PCLO: variants seen among roughly 807,000 people sequenced by gnomAD.
PCLO encodes the protein protein piccolo.
PCLO carries 82 observed loss-of-function variants against 427.5 expected under a neutral mutation model. The observed-to-expected ratio is 0.19, with a 90% CI of 0.16 to 0.23. The LOEUF is 0.23. PCLO is among the 10% of genes least tolerant of loss of function. The pLI, the probability that PCLO is intolerant of heterozygous loss-of-function variation, is 1.00. For synonymous variants in PCLO, 2,357 were observed against 2,155.4 expected, an observed-to-expected ratio of 1.09 and a Z score of -2.59; for missense variants, 6,239 against 6,115.9, an observed-to-expected ratio of 1.02 and a Z score of -0.67.
chr7:82,760,239 T>C (rs1790402290), intron 24 of PCLO, among the ~76,000 whole-genome samples: 1 of 152,004 alleles, frequency 6.6e-6, no homozygotes, highest in Non-Finnish European at 1.5e-5. Context: ...AGAGCTTTAA[T>C]GTAAACTAAC....
Position 82,754,111 on chromosome 7 carries a change from C to G in PCLO, c.*4464G>C, listed in dbSNP as rs1790269834. 6.6e-6 allele frequency: 1 copy of G among 151,964 alleles called. No individual in the cohort carries two copies. 9.4% of individuals were successfully genotyped at this position (151,964 alleles called of 1,614,324 possible). On this transcript the variant is annotated 3_prime_UTR_variant, in exon 25 of 25. Coordinates refer to ENST00000333891, the MANE Select transcript of PCLO (RefSeq NM_033026.6). ...TACATCTTGTATACAATCACAAAAC[C>G]AAGACATATTTTTACATAGAGTAAA... is the stretch of plus-strand genomic sequence containing the variant.
At chr7:82,899,454 T>C (rs925096020) in intron 9 of PCLO, among the ~76,000 whole-genome samples, 3 of 151,502 alleles carry the variant, frequency 2.0e-5, no homozygotes, top group Non-Finnish European at 3.0e-5. Context: ...AAGTAGAATA[T>C]AAAATGCAGA....
rs267601589 is a variant in PCLO, at chr7:82,951,239, C to T, written c.9349G>A (p.Asp3117Asn). 6.2e-7 allele frequency: 1 copy of T among 1,613,458 alleles called. No homozygotes were observed. Among genetic ancestry groups the T allele is most frequent in the Non-Finnish European group, 8.5e-7 (1 of 1,179,746 alleles). ...TCAGCCGTATGAATACCAGACAAAT[C>T]CCTCACTGTGGTGCTGAAAATGGAG... ...PGSIFSTTVR[D>N]LSGIHTADAV... Residue 3117 changes from aspartate to asparagine, a missense_variant, in exon 6 of 25, where the codon GAT becomes AAT. Coordinates refer to ENST00000333891, the MANE Select transcript of PCLO (RefSeq NM_033026.6).
intron 22 of PCLO, among the ~76,000 whole-genome samples, chr7:82,796,289 AT>A (rs894995201): frequency 7.2e-5 from 11 of 152,186 alleles, no homozygotes; most frequent in African/African-American, 2.7e-4. Flanking sequence ...GTGACACTGG[AT>A]TTTAGATTCA....
At chr7:83,069,261 C>T (rs1789745200) in intron 3 of PCLO, among the ~76,000 whole-genome samples, 1 of 152,076 alleles carries the variant, frequency 6.6e-6, no homozygotes, top group South Asian at 2.1e-4. Context: ...ACAGTTGGGC[C>T]TGCAGAACTG....
intron 10 of PCLO, among the ~76,000 whole-genome samples, chr7:82,864,950 A>AT (rs926222964): frequency 1.3e-5 from 2 of 152,124 alleles, no homozygotes; most frequent in African/African-American, 4.8e-5. Context: ...ACTTAAATTC[A>AT]TTTTTTCCAC....
At chr7:82,908,737 TC>T (rs1489433064) in intron 8 of PCLO, 139 bp downstream of exon 8, 1 of 710,470 alleles carries the variant, frequency 1.4e-6, no homozygotes, top group Non-Finnish European at 2.3e-6. Context: ...GCTGTGTTAC[TC>T]CTTTATGTTA....
rs1413753163 is a variant in PCLO at position 82,989,898 on chromosome 7, G to T, written c.3301-23411C>A. Among the ~76,000 whole-genome samples, 3 of 152,210 alleles carry T rather than the reference G, an allele frequency of 2.0e-5. No homozygotes were observed. In the East Asian group the frequency reaches 5.8e-4, roughly 29 times the overall value. Reference sequence around the variant, plus strand: ...TTTCCCCAAACCTCAAACCATTAAGGAGATTATGTTTTGATTGCCTGCAGC... The same window carrying T: ...TTTCCCCAAACCTCAAACCATTAAGTAGATTATGTTTTGATTGCCTGCAGC... On this transcript the variant is annotated intron_variant, in intron 3 of 24. Coordinates refer to ENST00000333891, the MANE Select transcript of PCLO (RefSeq NM_033026.6).
At chr7:82,839,329 C>T (rs966953067) in intron 14 of PCLO, among the ~76,000 whole-genome samples, 4 of 151,950 alleles carry the variant, frequency 2.6e-5, no homozygotes, top group South Asian at 4.1e-4. Flanking sequence ...TGAAATAAAT[C>T]CTCATTTTAG....
At chr7:82,937,948 T>C (rs1333254905) in intron 6 of PCLO, among the ~76,000 whole-genome samples, 1 of 151,862 alleles carries the variant, frequency 6.6e-6, no homozygotes, top group Non-Finnish European at 1.5e-5. Flanking sequence ...TCTGAGAACT[T>C]TCCTAATGGG....
chr7:82,793,523 T>G (rs972663041), intron 22 of PCLO, among the ~76,000 whole-genome samples: 7 of 152,292 alleles, frequency 4.6e-5, no homozygotes, highest in Non-Finnish European at 8.8e-5. Flanking sequence ...TTCAGGGCCC[T>G]GGAAGTATTG....
intron 3 of PCLO, among the ~76,000 whole-genome samples, chr7:83,010,602 T>C (rs1013775376): frequency 3.3e-5 from 5 of 150,490 alleles, no homozygotes; most frequent in African/African-American, 1.2e-4. Context: ...TTTAATATAA[T>C]ATATATTTCA....
At chr7:82,910,473 C>T (rs1403633466) in intron 7 of PCLO, among the ~76,000 whole-genome samples, 1 of 152,098 alleles carries the variant, frequency 6.6e-6, no homozygotes, top group Non-Finnish European at 1.5e-5. Context: ...AATACATTAA[C>T]ACATATCTGT....
At chr7:83,021,062 A>G (rs1788330723) in intron 3 of PCLO, among the ~76,000 whole-genome samples, 1 of 152,194 alleles carries the variant, frequency 6.6e-6, no homozygotes, top group Non-Finnish European at 1.5e-5. Context: ...GAAGAAACCC[A>G]GAAGAGACTG....
chr7:83,019,072 T>C (rs1034275287), intron 3 of PCLO, among the ~76,000 whole-genome samples: 8 of 152,176 alleles, frequency 5.3e-5, no homozygotes, highest in Non-Finnish European at 1.2e-4. Context: ...TAATTTATTA[T>C]ATTTTCCATA....
chr7:83,161,870 G>A (rs191052598), intron 1 of PCLO, among the ~76,000 whole-genome samples: 5 of 152,300 alleles, frequency 3.3e-5, no homozygotes, highest in African/African-American at 9.6e-5. Context: ...GGTGGCAAGA[G>A]AGGACAAATC....
At chr7:82,991,905 T>C (rs1796385211) in intron 3 of PCLO, among the ~76,000 whole-genome samples, 1 of 152,132 alleles carries the variant, frequency 6.6e-6, no homozygotes, top group African/African-American at 2.4e-5. Flanking sequence ...AACTATTTTA[T>C]GGCATTATCC....
intron 12 of PCLO, among the ~76,000 whole-genome samples, chr7:82,846,256 C>T (rs1792499030): frequency 6.6e-6 from 1 of 152,106 alleles, no homozygotes; most frequent in African/African-American, 2.4e-5. Context: ...TGGCTCCAAG[C>T]ATTACTTTCA....
intron 3 of PCLO, among the ~76,000 whole-genome samples, chr7:83,116,868 G>A (rs1001969654): frequency 2.0e-5 from 3 of 152,064 alleles, no homozygotes; most frequent in Non-Finnish European, 4.4e-5. Flanking sequence ...ACATGAGGGA[G>A]GTAATGTGGT....
Sources: gnomAD v4.1 joint callset for allele counts (sites outside exome capture counted in the v4.1 genomes callset) on GRCh38, gnomAD v4.1.1 for gene constraint, MANE v1.5 for transcripts, NCBI Gene and HGNC (gene_info 2026-07-23, HGNC 2026-07-21) for gene names.